The following XIRP2 variants were observed in gnomAD, a reference collection of about 807,000 sequenced individuals.
XIRP2 encodes xin actin binding repeat containing 2, also known as xin actin-binding repeat-containing protein 2.
Under a neutral mutation model 277.0 loss-of-function variants are expected in XIRP2, and 236 were observed. The observed-to-expected ratio is 0.85, with a 90% CI of 0.77 to 0.95. XIRP2 has a LOEUF of 0.95. Among genes scored for constraint, XIRP2 ranks in the 40% least tolerant of loss-of-function variants. XIRP2 has a pLI of 0.00. For synonymous variants in XIRP2, 1,490 were observed against 1,416.5 expected, an observed-to-expected ratio of 1.05 and a Z score of -1.17; for missense variants, 4,640 against 4,157.5, an observed-to-expected ratio of 1.12 and a Z score of -3.19.
intron 3 of XIRP2, among the ~76,000 whole-genome samples, chr2:167,145,140 A>G (rs533923070): frequency 6.6e-6 from 1 of 152,308 alleles, no homozygotes; most frequent in South Asian, 2.1e-4. Context: ...CAATGGAAAA[A>G]TAATGAATAA....
intron 3 of XIRP2, among the ~76,000 whole-genome samples, chr2:167,201,332 G>GGAAGGAAGGAAA (rs1376362293): frequency 6.6e-6 from 1 of 151,032 alleles, no homozygotes. Flanking sequence ...AAGGAAGGAA[G>GGAAGGAAGGAAA]GAAGGAAGGA....
chr2:166,978,082 TTTCTTTC>T (rs1686763164), intron 2 of XIRP2, among the ~76,000 whole-genome samples: 1 of 152,200 alleles, frequency 6.6e-6, no homozygotes, highest in South Asian at 2.1e-4. Context: ...TCAAAATTCA[TTTCTTTC>T]TATACAGATT....
chr2:166,973,040 A>G (rs1686619588), intron 2 of XIRP2, among the ~76,000 whole-genome samples: 1 of 152,144 alleles, frequency 6.6e-6, no homozygotes, highest in Admixed American at 6.6e-5. Flanking sequence ...TTTTCTAGCA[A>G]ATTAATTAAA....
At chr2:167,125,137 G>A (rs1048322818) in intron 2 of XIRP2, among the ~76,000 whole-genome samples, 1 of 152,178 alleles carries the variant, frequency 6.6e-6, no homozygotes, top group Non-Finnish European at 1.5e-5. Flanking sequence ...ATGTTGTGAC[G>A]ATCATTATAA....
intron 2 of XIRP2, among the ~76,000 whole-genome samples, chr2:167,114,642 G>A (rs998960454): frequency 1.5e-4 from 18 of 122,274 alleles, no homozygotes; most frequent in Non-Finnish European, 1.9e-4. Context: ...TCCCCTTCCC[G>A]TGTCCATGTG....
chr2:167,032,325 A>G (rs1014920298), intron 2 of XIRP2, among the ~76,000 whole-genome samples: 7 of 152,186 alleles, frequency 4.6e-5, no homozygotes, highest in Non-Finnish European at 8.8e-5. Flanking sequence ...CTTAAACATA[A>G]GACCTAAAAC....
chr2:167,059,129 CAG>C (rs1398850176), intron 2 of XIRP2, among the ~76,000 whole-genome samples: 1 of 103,046 alleles, frequency 9.7e-6, no homozygotes, highest in Non-Finnish European at 1.8e-5. Flanking sequence ...TTTTTTGAGA[CAG>C]AGTCCTGCTC....
chr2:167,028,082 C>T (rs1018563816), intron 2 of XIRP2, among the ~76,000 whole-genome samples: 1 of 152,046 alleles, frequency 6.6e-6, no homozygotes, highest in Non-Finnish European at 1.5e-5. Context: ...GCATATTTAA[C>T]ATTATGATCA....
intron 2 of XIRP2, among the ~76,000 whole-genome samples, chr2:167,045,310 C>G (rs774010483): frequency 6.6e-5 from 10 of 151,822 alleles, no homozygotes; most frequent in Non-Finnish European, 1.3e-4. Flanking sequence ...TTAGAAGAAA[C>G]CCTAGAAAAT....
chr2:166,952,501 A>T (rs1178180406), intron 2 of XIRP2, among the ~76,000 whole-genome samples: 3 of 151,996 alleles, frequency 2.0e-5, no homozygotes, highest in Non-Finnish European at 4.4e-5. Flanking sequence ...TAGGACAAAC[A>T]TGTCTAGAAT....
chr2:167,249,070 A>G lies in XIRP2; in HGVS notation c.7678A>G (p.Lys2560Glu). ...KYRQQKEEIE[K>E]QKQESSYYNI... ...TAGACAACAAAAAGAAGAAATTGAAAAACAGAAACAGGAGAGTTCTTACTA... is the reference window on the plus strand; with the variant it reads ...TAGACAACAAAAAGAAGAAATTGAAGAACAGAAACAGGAGAGTTCTTACTA... Residue 2560 changes from lysine to glutamate, a missense_variant, in exon 9 of 11, where the codon AAA becomes GAA. Physicochemically the swap from Lys to Glu is moderately conservative, Grantham distance 56. Coordinates refer to ENST00000409195, the MANE Select transcript of XIRP2 (RefSeq NM_152381.6). 1 of 1,612,510 alleles carries G rather than the reference A, an allele frequency of 6.2e-7. No individual in the cohort carries two copies. Among genetic ancestry groups the G allele is most frequent in the Non-Finnish European group, 8.5e-7 (1 of 1,179,584 alleles).
At chr2:166,986,150 T>C (rs982967806) in intron 2 of XIRP2, among the ~76,000 whole-genome samples, 1 of 152,214 alleles carries the variant, frequency 6.6e-6, no homozygotes, top group East Asian at 1.9e-4. Context: ...ACATTTAAAC[T>C]GATGAGGTTC....
intron 2 of XIRP2, among the ~76,000 whole-genome samples, chr2:167,023,416 T>G (rs1380412925): frequency 4.6e-5 from 7 of 152,006 alleles, no homozygotes; most frequent in African/African-American, 1.2e-4. Context: ...GCCTGTTCAC[T>G]CTGATGGTAG....
At position 167,243,243 on chromosome 2, in the gene XIRP2, C is replaced by T. The variant is rs1695130948; in HGVS notation, c.1851C>T (p.Thr617=). ...EIIAGGDVKY[T]TWMFETQPID... ...TTGCTGGTGGTGATGTGAAATATAC[C>T]ACATGGATGTTTGAAACCCAACCCA... The change falls in exon 9 of 11, where the codon ACC becomes ACT. Residue 617 remains threonine, a synonymous_variant. Transcript: ENST00000409195. The T allele has an allele frequency of 6.2e-7, 1 of 1,614,022 alleles. No homozygotes were observed. Among genetic ancestry groups the T allele is most frequent in the Non-Finnish European group, 8.5e-7 (1 of 1,179,994 alleles).
chr2:166,937,452 G>T (rs1313083075), intron 2 of XIRP2, among the ~76,000 whole-genome samples: 2 of 152,144 alleles, frequency 1.3e-5, no homozygotes, highest in Non-Finnish European at 2.9e-5. Flanking sequence ...AGCCGACTTG[G>T]TCATGGTGGA....
chr2:166,942,773 GT>G (rs201126811), intron 2 of XIRP2, among the ~76,000 whole-genome samples: 17 of 151,170 alleles, frequency 1.1e-4, no homozygotes, highest in Non-Finnish European at 1.8e-4. Flanking sequence ...TCAGTATGAG[GT>G]TTTTTTTTAA....
intron 2 of XIRP2, among the ~76,000 whole-genome samples, chr2:166,963,111 C>T (rs1389883609): frequency 2.6e-5 from 4 of 151,514 alleles, no homozygotes; most frequent in Non-Finnish European, 5.9e-5. Context: ...TATTGCAATG[C>T]ATCTCATGAA....
chr2:167,144,417 G>C (rs6720352), intron 3 of XIRP2, among the ~76,000 whole-genome samples: 51,117 of 151,796 alleles, frequency 0.34, 11,104 homozygotes, highest in African/African-American at 0.62. Context: ...CTCAGGAATT[G>C]TTGAAGAATA....
chr2:167,147,430 A>G (rs1252044626), intron 3 of XIRP2, among the ~76,000 whole-genome samples: 1 of 152,130 alleles, frequency 6.6e-6, no homozygotes, highest in East Asian at 1.9e-4. Context: ...GTTTATGCCG[A>G]CAATGTGATT....
Sources: gnomAD v4.1 joint callset for allele counts (sites outside exome capture counted in the v4.1 genomes callset) on GRCh38, gnomAD v4.1.1 for gene constraint, MANE v1.5 for transcripts, NCBI Gene and HGNC (gene_info 2026-07-23, HGNC 2026-07-21) for gene names.